SPSB4: variants seen among roughly 807,000 people sequenced by gnomAD.
The protein encoded by SPSB4 is splA/ryanodine receptor domain and SOCS box containing 4, also known as SPRY domain-containing SOCS box protein 4.
SPSB4 carries 21 observed loss-of-function variants against 20.9 expected under a neutral mutation model. The ratio of observed to expected loss-of-function variants is 1.01; its 90% CI spans 0.71 to 1.45. The LOEUF (loss-of-function observed/expected upper bound fraction) is 1.45, where lower values mean the gene tolerates loss of function less well. Among genes scored for constraint, SPSB4 ranks in the 40% most tolerant of loss-of-function variants. SPSB4 has a pLI of 0.00. For synonymous variants in SPSB4, 207 were observed against 183.8 expected (o/e 1.13, Z -1.02); for missense variants, 399 against 399.2 (o/e 1.00, Z 0.00).
chr3:141,087,745 A>C (rs1419718821), intron 2 of SPSB4, among the ~76,000 whole-genome samples: 1 of 152,182 alleles, frequency 6.6e-6, no homozygotes, highest in Non-Finnish European at 1.5e-5. Flanking sequence ...CCACGTGCCC[A>C]CCAAGGCAAA....
chr3:141,107,969 A>G (rs1460547824), intron 2 of SPSB4, among the ~76,000 whole-genome samples: 1 of 151,986 alleles, frequency 6.6e-6, no homozygotes, highest in South Asian at 2.1e-4. Context: ...AAAAAAATAA[A>G]ATAAAAGATT....
chr3:141,052,487 A>G (rs559042302), intron 1 of SPSB4, among the ~76,000 whole-genome samples: 12 of 152,332 alleles, frequency 7.9e-5, no homozygotes, highest in African/African-American at 2.9e-4. Flanking sequence ...TGCGAGCCCA[A>G]GCTTGTTATC....
At chr3:141,073,676 A>T (rs1440165514) in intron 2 of SPSB4, among the ~76,000 whole-genome samples, 1 of 152,232 alleles carries the variant, frequency 6.6e-6, no homozygotes, top group African/African-American at 2.4e-5. Flanking sequence ...CAGTAAATGC[A>T]TATTAATGTC....
At chr3:141,101,952 G>A (rs1269003088) in intron 2 of SPSB4, among the ~76,000 whole-genome samples, 1 of 152,202 alleles carries the variant, frequency 6.6e-6, no homozygotes, top group Non-Finnish European at 1.5e-5. Context: ...TCCTTCTCAA[G>A]GGCCCTTTCC....
Position 141,086,187 on chromosome 3 carries a change from C to T in SPSB4, c.694+19389C>T, listed in dbSNP as rs377034303. Among the ~76,000 whole-genome samples, 32 of 152,350 alleles carry T rather than the reference C, an allele frequency of 2.1e-4. No individual in the cohort carries two copies. In the East Asian group the frequency reaches 2.1e-3, roughly 10 times the overall value. ...TGCATTGTCTTTTGGTTTAATTTCA[C>T]TCCTGCTGTGTGTCACAGCCCAGGG... On this transcript the variant is annotated intron_variant, in intron 2 of 2. Coordinates refer to ENST00000310546, the MANE Select transcript of SPSB4 (RefSeq NM_080862.3).
chr3:141,085,156 A>G (rs1938316188), intron 2 of SPSB4, among the ~76,000 whole-genome samples: 1 of 152,206 alleles, frequency 6.6e-6, no homozygotes, highest in Admixed American at 6.5e-5. Context: ...GTACAGGCAC[A>G]GGATGGGAAC....
At chr3:141,110,577 A>T (rs898439888) in intron 2 of SPSB4, among the ~76,000 whole-genome samples, 1 of 152,234 alleles carries the variant, frequency 6.6e-6, no homozygotes, top group African/African-American at 2.4e-5. Flanking sequence ...GTTTTTGCCC[A>T]TATTGTGTGC....
At chr3:141,112,599 C>G (rs1295721476) in intron 2 of SPSB4, among the ~76,000 whole-genome samples, 2 of 142,028 alleles carry the variant, frequency 1.4e-5, no homozygotes, top group Non-Finnish European at 3.0e-5. Flanking sequence ...GAGCCGAGAT[C>G]CCGCCACTGC....
intron 2 of SPSB4, among the ~76,000 whole-genome samples, chr3:141,119,082 G>C (rs1938923953): frequency 6.6e-6 from 1 of 152,210 alleles, no homozygotes; most frequent in African/African-American, 2.4e-5. Flanking sequence ...ACCTTGGGCA[G>C]TATGACTGTT....
In SPSB4 at chr3:141,147,366, C is replaced by G; in HGVS notation, c.*97C>G. The G allele has an allele frequency of 6.4e-7, 1 of 1,556,090 alleles. No individual in the cohort carries two copies. The highest frequency in any genetic ancestry group is 8.7e-7 in the Non-Finnish European group (1 of 1,146,938). On this transcript the variant is annotated 3_prime_UTR_variant, in exon 3 of 3. Coordinates refer to ENST00000310546, the MANE Select transcript of SPSB4 (RefSeq NM_080862.3). The stretch of plus-strand genomic sequence containing the variant: ...ATGGCACATAGGGGAAAGGATCTAC[C>G]CTTCTCCTGGCTCCCCAGGACACTC...
chr3:141,119,913 C>T (rs996025215), intron 2 of SPSB4, among the ~76,000 whole-genome samples: 3 of 152,042 alleles, frequency 2.0e-5, no homozygotes, highest in African/African-American at 7.2e-5. Flanking sequence ...TCTCTATCTC[C>T]TTCAGTTCTG....
intron 2 of SPSB4, among the ~76,000 whole-genome samples, chr3:141,141,122 C>G (rs1180442023): frequency 6.6e-6 from 1 of 152,260 alleles, no homozygotes; most frequent in African/African-American, 2.4e-5. Flanking sequence ...GCATAGGACC[C>G]TCCGAGCCAG....
Position 141,066,134 on chromosome 3 carries a change from G to A in SPSB4, c.30G>A (p.Lys10=), listed in dbSNP as rs543009403. The change falls in exon 2 of 3, where the codon AAG becomes AAA. Residue 10 remains lysine (K), a synonymous_variant. Coordinates refer to ENST00000310546, the MANE Select transcript of SPSB4 (RefSeq NM_080862.3). ...GCCAGAAGCTCTCGGGGAGCCTCAA[G>A]TCAGTGGAGGTGCGAGAGCCGGCGC... The part of the protein sequence containing the change: MGQKLSGSL[K]SVEVREPALR... 2.0e-6 allele frequency: 3 copies of A among 1,532,628 alleles called. No homozygotes were observed. In the East Asian group the frequency reaches 7.6e-5, roughly 39 times the overall value. 94.9% of individuals were successfully genotyped at this position (1,532,628 alleles called of 1,614,324 possible).
intron 1 of SPSB4, among the ~76,000 whole-genome samples, chr3:141,053,683 A>T (rs934558463): frequency 6.6e-6 from 1 of 152,240 alleles, no homozygotes; most frequent in African/African-American, 2.4e-5. Flanking sequence ...ATACCAAAAC[A>T]TATGACAAGA....
intron 1 of SPSB4, among the ~76,000 whole-genome samples, chr3:141,059,672 A>G (rs1937725751): frequency 1.3e-5 from 2 of 152,198 alleles, no homozygotes; most frequent in African/African-American, 4.8e-5. Flanking sequence ...TTGAGCAGGG[A>G]CAAATATCCA....
chr3:141,111,139 G>A (rs550288615), intron 2 of SPSB4, among the ~76,000 whole-genome samples: 86 of 152,258 alleles, frequency 5.6e-4, no homozygotes, highest in Admixed American at 2.2e-3. Flanking sequence ...ACTATGTTCT[G>A]AAAACCAAAA....
intron 2 of SPSB4, among the ~76,000 whole-genome samples, chr3:141,116,461 T>G (rs1396152554): frequency 6.6e-6 from 1 of 152,168 alleles, no homozygotes; most frequent in Non-Finnish European, 1.5e-5. Flanking sequence ...ACAGAACTGA[T>G]AGGGTTGGTG....
intron 2 of SPSB4, among the ~76,000 whole-genome samples, chr3:141,135,717 C>T (rs1199352133): frequency 6.6e-6 from 1 of 152,082 alleles, no homozygotes; most frequent in African/African-American, 2.4e-5. Flanking sequence ...GTATATGTGC[C>T]ATATTTTCTT....
At position 141,142,904 on chromosome 3, in the gene SPSB4, C is replaced by T. The variant is rs1473697370; in HGVS notation, c.695-4238C>T. Among the ~76,000 whole-genome samples the T allele has an allele frequency of 2.0e-5, 3 of 146,876 alleles. No homozygotes were observed. In the East Asian group the frequency reaches 6.1e-4, roughly 30 times the overall value. On this transcript the variant is annotated intron_variant, in intron 2 of 2. Coordinates refer to ENST00000310546, the MANE Select transcript of SPSB4 (RefSeq NM_080862.3). ...TGATCTCAGCTCATTGCAAGTTCCA[C>T]CTCCCAGGTTCACACCATTCTCCTG...
Sources: gnomAD v4.1 joint callset for allele counts (sites outside exome capture counted in the v4.1 genomes callset) on GRCh38, gnomAD v4.1.1 for gene constraint, MANE v1.5 for transcripts, NCBI Gene and HGNC (gene_info 2026-07-23, HGNC 2026-07-21) for gene names.